Variants in KLK3 observed in about 807,000 individuals in gnomAD.
KLK3 encodes the protein kallikrein related peptidase 3.
A neutral mutation model predicts 27.7 loss-of-function variants in KLK3; 23 were observed. The ratio of observed to expected loss-of-function variants is 0.83; its 90% CI spans 0.60 to 1.17. The LOEUF is 1.17. KLK3 is among the 50% of genes most tolerant of loss of function. KLK3 has a pLI of 0.00. For missense variants in KLK3, 322 were observed against 338.1 expected (o/e 0.95, Z 0.37); for synonymous variants, 142 against 134.2 (o/e 1.06, Z -0.40).
intron 2 of KLK3, chr19:50,857,471 G>A (rs2090156938): frequency 6.5e-6 from 1 of 153,972 alleles, no homozygotes; most frequent in Non-Finnish European, 1.4e-5. Context: ...CCACGCCAAA[G>A]CCGCATCTAC....
intron 4 of KLK3, chr19:50,859,514 C>T (rs2090171015): frequency 6.2e-7 from 1 of 1,603,742 alleles, no homozygotes; most frequent in Middle Eastern, 1.7e-4. Context: ...CCACTCCATT[C>T]TCCACCTACC....
chr19:50,855,089 C>T (rs770454989), intron 1 of KLK3, 88 bp downstream of exon 1: 1 of 1,369,054 alleles, frequency 7.3e-7, no homozygotes, highest in Admixed American at 1.8e-5. Context: ...ACCCAGCACC[C>T]CAGCCCAGAC....
At chr19:50,855,031 G>A in intron 1 of KLK3, 30 bp downstream of exon 1, 1 of 1,611,686 alleles carries the variant, frequency 6.2e-7, no homozygotes. Flanking sequence ...GGGGGATGCA[G>A]GAGAGGGAGC....
rs754728036 is a variant in KLK3 at position 50,858,232 on chromosome 19, A to G, written c.410A>G (p.Lys137Arg). 1 of 1,614,224 alleles carries G rather than the reference A, an allele frequency of 6.2e-7. No homozygotes were observed. Among genetic ancestry groups the G allele is most frequent in the Admixed American group, 1.7e-5 (1 of 60,036 alleles). Residue 137 changes from lysine to arginine, a missense_variant, in exon 3 of 5, where the codon AAG becomes AGG. Lys to Arg is a conservative substitution (Grantham distance 26). Transcript: ENST00000326003. ...SEPAELTDAVKVMDLPTQEPA... is the reference protein window; with the variant it reads ...SEPAELTDAVRVMDLPTQEPA... Reference sequence around the variant, plus strand: ...CCTGCCGAGCTCACGGATGCTGTGAAGGTCATGGACCTGCCCACCCAGGAG... The same window carrying G: ...CCTGCCGAGCTCACGGATGCTGTGAGGGTCATGGACCTGCCCACCCAGGAG...
chr19:50,857,145 A>G (rs1435660418), intron 2 of KLK3, among the ~76,000 whole-genome samples: 5 of 125,584 alleles, frequency 4.0e-5, no homozygotes, highest in Admixed American at 2.8e-4. Flanking sequence ...CCTGGGTGAC[A>G]GAGTGAGACT....
At chr19:50,855,360 T>A in intron 1 of KLK3, 1 of 293,482 alleles carries the variant, frequency 3.4e-6, no homozygotes. Context: ...CCTTGGACCG[T>A]ATCACTGGTC....
At chr19:50,857,940 C>T (rs1036333175) in intron 2 of KLK3, 89 bp from the exon 3 acceptor site, 1 of 1,375,834 alleles carries the variant, frequency 7.3e-7, no homozygotes, top group Non-Finnish European at 9.8e-7. Flanking sequence ...GTTTCTTTTT[C>T]TCTTTTGGAG....
chr19:50,860,013 A>G lies in KLK3; in HGVS notation c.672A>G (p.Gln224=), dbSNP rs1294929483. The change falls in exon 5 of 5, where the codon CAA becomes CAG. Residue 224 remains glutamine, a synonymous_variant. Coordinates refer to ENST00000326003, the MANE Select transcript of KLK3 (RefSeq NM_001648.2). ...GGPLVCNGVL[Q]GITSWGSEPC... is the part of the protein sequence containing the mutation. ...CACTTGTCTGTAATGGTGTGCTTCA[A>G]GGTATCACGTCATGGGGCAGTGAAC... is the stretch of plus-strand genomic sequence containing the variant. 4 of 1,613,994 alleles carry G rather than the reference A, an allele frequency of 2.5e-6. No individual in the cohort carries two copies. Among genetic ancestry groups the G allele is most frequent in the East Asian group, 2.2e-5 (1 of 44,904 alleles).
Position 50,860,418 on chromosome 19 carries a change from A to AGCGACCACC in KLK3, c.*292_*293insCGACCACCG. The AGCGACCACC allele has an allele frequency of 3.7e-6, 1 of 273,408 alleles. No individual in the cohort carries two copies. Among genetic ancestry groups the AGCGACCACC allele is most frequent in the Non-Finnish European group, 7.0e-6 (1 of 143,720 alleles). The allele number at this position is 273,408 out of a possible 1,614,324, so 16.9% of individuals were successfully genotyped here. The stretch of plus-strand genomic sequence containing the variant: ...GTTATTTGTGGGGTACAGAGATGAA[A>AGCGACCACC]GAGGGGTGGGATCCACACTGAGAGA... On this transcript the variant is annotated 3_prime_UTR_variant, in exon 5 of 5. Coordinates refer to ENST00000326003, the MANE Select transcript of KLK3 (RefSeq NM_001648.2).
intron 4 of KLK3, 102 bp from the exon 5 acceptor site, chr19:50,859,870 G>A: frequency 6.6e-7 from 1 of 1,515,214 alleles, no homozygotes; most frequent in Non-Finnish European, 8.8e-7. Context: ...CCAAAGCTGG[G>A]AACTGCTATC....
At chr19:50,857,162 C>CAAAAAAAAAAAAAAAAAA (rs560911495) in intron 2 of KLK3, among the ~76,000 whole-genome samples, 7 of 46,412 alleles carry the variant, frequency 1.5e-4, no homozygotes, top group African/African-American at 4.5e-4. Flanking sequence ...GACTCCGCCT[C>CAAAAAAAAAAAAAAAAAA]AAAAAAAAAA....
chr19:50,859,706 C>A (rs2090172662), intron 4 of KLK3: 8 of 1,574,550 alleles, frequency 5.1e-6, no homozygotes, highest in Admixed American at 3.4e-5. Context: ...ACCGACCTGT[C>A]TACAAGGACT....
intron 4 of KLK3, chr19:50,858,904 T>G: frequency 2.0e-6 from 1 of 496,538 alleles, no homozygotes; most frequent in Non-Finnish European, 3.5e-6. Context: ...GCCCCTCCCT[T>G]CTGTAGCCCC....
At position 50,860,238 on chromosome 19, in the gene KLK3, G is replaced by T. The variant is rs1309375900; in HGVS notation, c.*111G>T. The T allele has an allele frequency of 6.2e-6, 5 of 806,202 alleles. No individual in the cohort carries two copies. In the East Asian group the frequency reaches 1.0e-4, roughly 16 times the overall value. The allele number at this position is 806,202 out of a possible 1,614,324, so 49.9% of individuals were successfully genotyped here. ...CTTTGTCCTTAGGTGTGAGGTCCAG[G>T]GTTGCTAGGAAAAGAAATCAGCAGA... On this transcript the variant is annotated 3_prime_UTR_variant, in exon 5 of 5. Coordinates refer to ENST00000326003, the MANE Select transcript of KLK3 (RefSeq NM_001648.2).
At chr19:50,855,072 C>T in intron 1 of KLK3, 71 bp downstream of exon 1, 2 of 1,538,978 alleles carry the variant, frequency 1.3e-6, no homozygotes, top group Non-Finnish European at 1.8e-6. Flanking sequence ...AGGCTCTTTC[C>T]CCCCCAACCC....
At chr19:50,857,162 C>CAAAAAAAAAAAAAAAAA (rs560911495) in intron 2 of KLK3, among the ~76,000 whole-genome samples, 2 of 46,410 alleles carry the variant, frequency 4.3e-5, no homozygotes, top group Non-Finnish European at 8.3e-5. Flanking sequence ...GACTCCGCCT[C>CAAAAAAAAAAAAAAAAA]AAAAAAAAAA....
intron 4 of KLK3, among the ~76,000 whole-genome samples, chr19:50,859,347 G>A (rs547401189): frequency 1.4e-4 from 20 of 141,876 alleles, no homozygotes; most frequent in South Asian, 1.1e-3. Context: ...AGAGGCTGCC[G>A]CTGGCCTCCC....
At position 50,856,410 on chromosome 19, in the gene KLK3, G is replaced by A. The variant is rs1185973236; in HGVS notation, c.206+11G>A. The A allele has an allele frequency of 3.1e-6, 5 of 1,612,592 alleles. No homozygotes were observed. The highest frequency in any genetic ancestry group is 1.7e-5 in the Admixed American group (1 of 59,874). ...CCACTGCATCAGGAAGTGAGTAGGGGCCTGGGGTCTGGGGAGCAGGTGTCT... is the reference window on the plus strand; with the variant it reads ...CCACTGCATCAGGAAGTGAGTAGGGACCTGGGGTCTGGGGAGCAGGTGTCT... On this transcript the variant is annotated intron_variant, in intron 2 of 4. Coordinates refer to ENST00000326003, the MANE Select transcript of KLK3 (RefSeq NM_001648.2).
intron 1 of KLK3, chr19:50,855,936 C>A: frequency 4.0e-6 from 1 of 248,924 alleles, no homozygotes; most frequent in South Asian, 9.4e-5. Flanking sequence ...ACAAAGGACC[C>A]AATCCCCAGA....
Sources: gnomAD v4.1 joint callset for allele counts (sites outside exome capture counted in the v4.1 genomes callset) on GRCh38, gnomAD v4.1.1 for gene constraint, MANE v1.5 for transcripts, NCBI Gene and HGNC (gene_info 2026-07-23, HGNC 2026-07-21) for gene names.